The following COL6A5 variants were observed in gnomAD, a reference collection of about 807,000 sequenced individuals.
COL6A5 encodes the protein collagen type VI alpha 5 chain, also known as collagen alpha-5(VI) chain.
In COL6A5, 48 loss-of-function variants were observed where a neutral mutation model predicts 65.6. That is an observed-to-expected ratio of 0.73 (90% CI 0.58 to 0.93). The LOEUF is 0.93. Among genes scored for constraint, COL6A5 ranks in the 40% least tolerant of loss-of-function variants. The probability of loss-of-function intolerance (pLI) is 0.00; values close to 1 mark genes in which losing one functional copy is unlikely to be tolerated. For missense variants in COL6A5, 914 were observed against 928.3 expected, an observed-to-expected ratio of 0.98 and a Z score of 0.20; for synonymous variants, 291 against 322.8, an observed-to-expected ratio of 0.90 and a Z score of 1.05.
At chr3:130,468,411 G>T (rs752836057) in intron 5 of COL6A5, among the ~76,000 whole-genome samples, 8 of 152,000 alleles carry the variant, frequency 5.3e-5, no homozygotes, top group Non-Finnish European at 7.4e-5. Context: ...TTCTCTTGAG[G>T]TTATTACATA....
intron 4 of COL6A5, among the ~76,000 whole-genome samples, chr3:130,452,807 C>T (rs1709476942): frequency 6.6e-6 from 1 of 152,138 alleles, no homozygotes; most frequent in Non-Finnish European, 1.5e-5. Flanking sequence ...CTTATTTCAT[C>T]CCTACAGTTT....
At chr3:130,429,549 C>G, upstream of COL6A5, 2 of 1,543,174 alleles carry the variant, frequency 1.3e-6, no homozygotes, top group Non-Finnish European at 1.7e-6. Flanking sequence ...AGGTAACAAA[C>G]TTTTCCCTCT....
chr3:130,391,860 C>A (rs1354723566), intron 7 of COL6A5, 106 bp downstream of exon 7: 12 of 837,188 alleles, frequency 1.4e-5, no homozygotes, highest in Non-Finnish European at 2.2e-5. Context: ...ATGGACTGAA[C>A]ATTTCTCTGC....
chr3:130,471,060 C>A, intron 7 of COL6A5, 93 bp downstream of exon 39: 1 of 884,504 alleles, frequency 1.1e-6, no homozygotes, highest in Non-Finnish European at 1.8e-6. Context: ...TTTTCAAGAT[C>A]CAAGTGTGTG....
At position 130,481,669 on chromosome 3, in the gene COL6A5, A is replaced by G. The variant is rs147125468; in HGVS notation, c.2329-2366A>G. Among the ~76,000 whole-genome samples, 909 of 152,312 alleles carry G rather than the reference A, an allele frequency of 6.0e-3. 4 individuals carry two copies. The highest frequency in any genetic ancestry group is 7.5e-3 in the Non-Finnish European group (507 of 68,026). On this transcript the variant is annotated intron_variant, in intron 7 of 7. Coordinates refer to ENST00000512836, the Ensembl canonical transcript of COL6A5. ...TAATTTACACTCCCACCAACAGTGT[A>G]AAAGCGTCCCTATTTCTCCACATCC...
intron 14 of COL6A5, 142 bp from the exon 15 acceptor site, chr3:130,405,851 A>G: frequency 1.1e-6 from 1 of 935,884 alleles, no homozygotes; most frequent in East Asian, 2.6e-5. Context: ...CTTTAGCATT[A>G]ATAAATTGCA....
At chr3:130,479,485 C>A (rs73868688) in intron 7 of COL6A5, among the ~76,000 whole-genome samples, 1,824 of 151,834 alleles carry the variant, frequency 0.012, 38 homozygotes, top group African/African-American at 0.041. Context: ...CAAACAAAAA[C>A]CCACTATGGA....
At chr3:130,443,714 C>A in intron 4 of COL6A5, 148 bp downstream of exon 36, 1 of 514,488 alleles carries the variant, frequency 1.9e-6, no homozygotes, top group South Asian at 3.5e-5. Flanking sequence ...GCAGAAATTA[C>A]ATATCAAGTA....
At chr3:130,437,351 T>C (rs539934168) in intron 1 of COL6A5, among the ~76,000 whole-genome samples, 64 of 152,250 alleles carry the variant, frequency 4.2e-4, no homozygotes, top group African/African-American at 1.3e-3. Flanking sequence ...ATATCCAGAA[T>C]TTGACCACTT....
At chr3:130,363,728 T>C (rs1935224324) in intron 1 of COL6A5, among the ~76,000 whole-genome samples, 1 of 152,214 alleles carries the variant, frequency 6.6e-6, no homozygotes, top group Admixed American at 6.5e-5. Flanking sequence ...AGGTAAAACT[T>C]AACGAAAGTG....
intron 5 of COL6A5, among the ~76,000 whole-genome samples, chr3:130,464,052 T>C (rs1456828224): frequency 1.3e-5 from 2 of 152,134 alleles, no homozygotes; most frequent in Non-Finnish European, 2.9e-5. Context: ...ATTTTTGATA[T>C]GGGCTTGCAG....
At chr3:130,405,948 A>T in intron 14 of COL6A5, 45 bp from the exon 15 acceptor site, 1 of 1,540,346 alleles carries the variant, frequency 6.5e-7, no homozygotes, top group Non-Finnish European at 8.8e-7. Context: ...TTGAATCCAC[A>T]CTCTGTCTTT....
intron 7 of COL6A5, among the ~76,000 whole-genome samples, chr3:130,473,272 T>C (rs942513613): frequency 6.6e-6 from 1 of 151,828 alleles, no homozygotes; most frequent in African/African-American, 2.4e-5. Context: ...GGGCCATGAG[T>C]TTCCCATTTT....
At chr3:130,465,646 A>G (rs1054947687) in intron 5 of COL6A5, among the ~76,000 whole-genome samples, 2 of 151,014 alleles carry the variant, frequency 1.3e-5, no homozygotes, top group Non-Finnish European at 3.0e-5. Context: ...GATATTTACA[A>G]GAATACAAAA....
At chr3:130,464,402 A>C (rs1238804503) in intron 5 of COL6A5, among the ~76,000 whole-genome samples, 2 of 152,040 alleles carry the variant, frequency 1.3e-5, no homozygotes, top group African/African-American at 4.8e-5. Flanking sequence ...TAAAGTGTTG[A>C]GATTACAGGC....
At chr3:130,471,717 A>G in intron 7 of COL6A5, 1 of 1,534,826 alleles carries the variant, frequency 6.5e-7, no homozygotes, top group Non-Finnish European at 8.7e-7. Flanking sequence ...AAGACAGAAA[A>G]TGGTGATCTG....
chr3:130,422,820 T>G (rs777418721), intron 28 of COL6A5, 38 bp downstream of exon 28: 12 of 1,227,138 alleles, frequency 9.8e-6, no homozygotes, highest in Non-Finnish European at 1.3e-5. Flanking sequence ...TAAATATTCC[T>G]TTGGCAGACT....
exon 16 of COL6A5, chr3:130,406,146 G>A (rs936900492): frequency 1.8e-5 from 28 of 1,550,290 alleles, no homozygotes; most frequent in Non-Finnish European, 2.4e-5. Context: ...TCATGGAGAC[G>A]ATGGGATTGA....
chr3:130,379,095 G>A (rs1304920528), intron 3 of COL6A5, among the ~76,000 whole-genome samples: 1 of 151,876 alleles, frequency 6.6e-6, no homozygotes, highest in Non-Finnish European at 1.5e-5. Flanking sequence ...TGGTGGAGGT[G>A]GAAGTGACAG....
Sources: allele counts gnomAD v4.1 joint callset (sites outside exome capture counted in the v4.1 genomes callset), GRCh38; gene constraint gnomAD v4.1.1; transcripts MANE v1.5; gene names NCBI Gene and HGNC (gene_info 2026-07-23, HGNC 2026-07-21).